FHIT: variants seen among roughly 807,000 people sequenced by gnomAD.
FHIT encodes fragile histidine triad diadenosine triphosphatase.
Under a neutral mutation model 17.9 loss-of-function variants are expected in FHIT, and 19 were observed. The observed-to-expected ratio is 1.06, with a 90% CI of 0.74 to 1.56. FHIT has a LOEUF of 1.56. FHIT is among the 40% of genes most tolerant of loss of function. The pLI is 0.00. For synonymous variants in FHIT, 81 were observed against 69.7 expected (o/e 1.16, Z -0.81); for missense variants, 248 against 189.2 (o/e 1.31, Z -1.82).
intron 5 of FHIT, among the ~76,000 whole-genome samples, chr3:60,050,260 A>C (rs1294895653): frequency 1.3e-5 from 2 of 152,128 alleles, no homozygotes; most frequent in Non-Finnish European, 2.9e-5. Context: ...TTTTTCCCAT[A>C]GTTTATTTCA....
intron 1 of FHIT, among the ~76,000 whole-genome samples, chr3:61,245,499 A>G (rs1292451385): frequency 6.6e-6 from 1 of 152,212 alleles, no homozygotes; most frequent in African/African-American, 2.4e-5. Flanking sequence ...CAGCAGCATC[A>G]GTCTGTTAGA....
chr3:60,327,928 G>A (rs1576481933), intron 5 of FHIT, among the ~76,000 whole-genome samples: 1 of 152,206 alleles, frequency 6.6e-6, no homozygotes, highest in Non-Finnish European at 1.5e-5. Flanking sequence ...AAGAGCAGGA[G>A]GTCATGGCAT....
At chr3:60,053,765 T>C (rs1010747298) in intron 5 of FHIT, among the ~76,000 whole-genome samples, 63 of 152,274 alleles carry the variant, frequency 4.1e-4, no homozygotes, top group African/African-American at 1.5e-3. Flanking sequence ...CTCCATTTCT[T>C]ACTACTTCAT....
chr3:60,395,224 G>A (rs180993561), intron 5 of FHIT, among the ~76,000 whole-genome samples: 1 of 152,296 alleles, frequency 6.6e-6, no homozygotes, highest in East Asian at 1.9e-4. Context: ...GAGGAACACA[G>A]ATAAGCCATA....
intron 2 of FHIT, among the ~76,000 whole-genome samples, chr3:61,176,924 C>T (rs1490729364): frequency 3.3e-5 from 5 of 152,136 alleles, no homozygotes; most frequent in Admixed American, 2.6e-4. Context: ...GCCTGTAACC[C>T]CAGAACTTTG....
At chr3:60,238,280 T>C (rs1559752572) in intron 5 of FHIT, among the ~76,000 whole-genome samples, 1 of 151,914 alleles carries the variant, frequency 6.6e-6, no homozygotes, top group Non-Finnish European at 1.5e-5. Flanking sequence ...AATAAAGCCC[T>C]TAAGTATTAA....
chr3:60,767,758 C>T (rs72876973), intron 4 of FHIT, among the ~76,000 whole-genome samples: 1,791 of 152,298 alleles, frequency 0.012, 38 homozygotes, highest in African/African-American at 0.041. Flanking sequence ...TCTTGTTAAG[C>T]AACTCTTGTT....
chr3:61,007,848 G>T (rs1465996078), intron 3 of FHIT, among the ~76,000 whole-genome samples: 5 of 152,222 alleles, frequency 3.3e-5, no homozygotes, highest in Admixed American at 3.3e-4. Flanking sequence ...AGGTTCTGGG[G>T]AGATATATCA....
rs1709113306 is a variant in FHIT, at chr3:59,989,094, T to A, written c.279+22277A>T. 2.0e-5 allele frequency among the ~76,000 whole-genome samples: 3 copies of A among 152,002 alleles called. No individual in the cohort carries two copies. In the South Asian group the frequency reaches 6.2e-4, roughly 32 times the overall value. On this transcript the variant is annotated intron_variant, in intron 7 of 9. Transcript: ENST00000492590. Reference sequence around the variant, plus strand: ...AAGAGGTTCTGGGAAGGGGAGCCAATCTGAAGTACCTGGAAATTGGAAAAA... The same window carrying A: ...AAGAGGTTCTGGGAAGGGGAGCCAAACTGAAGTACCTGGAAATTGGAAAAA...
At chr3:59,751,864 T>C in intron 9 of FHIT, 1 of 41,972 alleles carries the variant, frequency 2.4e-5, no homozygotes, top group African/African-American at 8.1e-5. Flanking sequence ...TGTCACACCT[T>C]TAAGTTAAGT....
Position 60,486,037 on chromosome 3 carries a change from T to C in FHIT, c.103+50823A>G, listed in dbSNP as rs73833923. Among the ~76,000 whole-genome samples the C allele has an allele frequency of 5.3e-3, 814 of 152,226 alleles. 12 individuals are homozygous for C. Among genetic ancestry groups the C allele is most frequent in the African/African-American group, 0.017 (711 of 41,534 alleles). On this transcript the variant is annotated intron_variant, in intron 5 of 9. Transcript: ENST00000492590. ...ATATTGATCAGCATGAAGTGGCACA[T>C]TATAGAAGACACTTCTGCACACCTG...
At chr3:60,331,363 A>G (rs1481009853) in intron 5 of FHIT, among the ~76,000 whole-genome samples, 2 of 151,828 alleles carry the variant, frequency 1.3e-5, no homozygotes, top group African/African-American at 4.8e-5. Context: ...TGTTTCCTCT[A>G]TACATTATAA....
At chr3:59,751,372 T>C (rs2367086) in intron 9 of FHIT, 1 of 184,930 alleles carries the variant, frequency 5.4e-6, no homozygotes, top group African/African-American at 2.4e-5. Context: ...TCCCAAGTAG[T>C]TGGGATTATA....
At chr3:60,879,042 C>G (rs1416958506) in intron 3 of FHIT, among the ~76,000 whole-genome samples, 6 of 152,180 alleles carry the variant, frequency 3.9e-5, no homozygotes, top group African/African-American at 1.4e-4. Flanking sequence ...ATTTCTAACT[C>G]TAGATCCCTG....
intron 8 of FHIT, among the ~76,000 whole-genome samples, chr3:59,813,493 A>C (rs1351540039): frequency 2.0e-5 from 3 of 152,172 alleles, no homozygotes; most frequent in Non-Finnish European, 4.4e-5. Context: ...CTTAATAATA[A>C]ATCTGGGATC....
chr3:61,199,550 T>G (rs1288899103), intron 2 of FHIT, among the ~76,000 whole-genome samples: 1 of 152,162 alleles, frequency 6.6e-6, no homozygotes, highest in African/African-American at 2.4e-5. Context: ...GATTTTTTTA[T>G]AACTCATATT....
chr3:59,970,896 T>C (rs539542621), intron 7 of FHIT, among the ~76,000 whole-genome samples: 12 of 143,328 alleles, frequency 8.4e-5, no homozygotes, highest in Admixed American at 2.9e-4. Context: ...ACCGGTGAAC[T>C]AGTTGACGGA....
chr3:59,805,769 C>A (rs1382959955), intron 8 of FHIT, among the ~76,000 whole-genome samples: 1 of 152,168 alleles, frequency 6.6e-6, no homozygotes. Flanking sequence ...AGTTACCTTA[C>A]TACAAAATTA....
At chr3:60,603,596 G>C (rs951412217) in intron 4 of FHIT, among the ~76,000 whole-genome samples, 5 of 151,608 alleles carry the variant, frequency 3.3e-5, no homozygotes, top group African/African-American at 1.2e-4. Context: ...TAAGTCACTT[G>C]TAAAAATATA....
Sources: gnomAD v4.1 joint callset for allele counts (sites outside exome capture counted in the v4.1 genomes callset) on GRCh38, gnomAD v4.1.1 for gene constraint, MANE v1.5 for transcripts, NCBI Gene and HGNC (gene_info 2026-07-23, HGNC 2026-07-21) for gene names.